The following KIAA0232 variants were observed in gnomAD, a reference collection of about 807,000 sequenced individuals.
KIAA0232 encodes uncharacterized protein KIAA0232.
In KIAA0232, 27 loss-of-function variants were observed where a neutral mutation model predicts 122.0. The ratio of observed to expected loss-of-function variants is 0.22; its 90% CI spans 0.16 to 0.31. The LOEUF (loss-of-function observed/expected upper bound fraction) is 0.31. KIAA0232 is among the 10% of genes least tolerant of loss of function. The pLI, the probability that KIAA0232 is intolerant of heterozygous loss-of-function variation, is 1.00. For missense variants in KIAA0232, 1,551 were observed against 1,634.2 expected, an observed-to-expected ratio of 0.95 and a Z score of 0.88; for synonymous variants, 613 against 587.6, an observed-to-expected ratio of 1.04 and a Z score of -0.63.
chr4:6,784,625 T>C (rs1716534467), intron 1 of KIAA0232, among the ~76,000 whole-genome samples: 1 of 152,248 alleles, frequency 6.6e-6, no homozygotes, highest in Admixed American at 6.5e-5. Context: ...ATATATCTTA[T>C]AACTCAGATT....
At chr4:6,786,121 A>G (rs1013335043) in intron 1 of KIAA0232, among the ~76,000 whole-genome samples, 3 of 152,198 alleles carry the variant, frequency 2.0e-5, no homozygotes, top group Admixed American at 1.3e-4. Context: ...TGTGGTGTCT[A>G]TCCTATCATT....
At chr4:6,835,625 G>A (rs547674713) in intron 3 of KIAA0232, among the ~76,000 whole-genome samples, 29 of 151,966 alleles carry the variant, frequency 1.9e-4, no homozygotes, top group South Asian at 4.2e-4. Flanking sequence ...CCAGCTCCCC[G>A]CCTCCCAACA....
At chr4:6,869,276 A>G (rs991754956) in intron 7 of KIAA0232, among the ~76,000 whole-genome samples, 14 of 152,368 alleles carry the variant, frequency 9.2e-5, no homozygotes, top group Middle Eastern at 6.8e-3. Context: ...TAAACTGATC[A>G]TTCCTGCAAA....
intron 7 of KIAA0232, among the ~76,000 whole-genome samples, chr4:6,870,653 A>G (rs1384570883): frequency 6.6e-6 from 1 of 152,142 alleles, no homozygotes; most frequent in Non-Finnish European, 1.5e-5. Context: ...AAATACAAAA[A>G]TTAGCCGGGG....
chr4:6,847,077 ATAT>A (rs1720004115), intron 4 of KIAA0232, among the ~76,000 whole-genome samples: 1 of 152,098 alleles, frequency 6.6e-6, no homozygotes. Context: ...AATATAGGTT[ATAT>A]TATTATATTA....
At chr4:6,836,949 C>G (rs1719324106) in intron 3 of KIAA0232, among the ~76,000 whole-genome samples, 1 of 152,214 alleles carries the variant, frequency 6.6e-6, no homozygotes, top group South Asian at 2.1e-4. Context: ...TATTTCTTTC[C>G]ACACAGACAC....
At chr4:6,799,614 A>G (rs1249497091) in intron 1 of KIAA0232, among the ~76,000 whole-genome samples, 1 of 152,184 alleles carries the variant, frequency 6.6e-6, no homozygotes, top group Non-Finnish European at 1.5e-5. Flanking sequence ...TAACTATTAG[A>G]AAGACTCTTA....
chr4:6,819,101 T>TG (rs1476943476), intron 2 of KIAA0232, among the ~76,000 whole-genome samples: 2 of 152,100 alleles, frequency 1.3e-5, no homozygotes, highest in African/African-American at 4.8e-5. Context: ...GATACTTAAA[T>TG]GTAAGACCTC....
At chr4:6,815,089 ACT>A (rs1429977881) in intron 2 of KIAA0232, among the ~76,000 whole-genome samples, 6 of 152,128 alleles carry the variant, frequency 3.9e-5, no homozygotes, top group Non-Finnish European at 7.4e-5. Context: ...TTTCTTTAAA[ACT>A]TTTTTATAGA....
intron 4 of KIAA0232, among the ~76,000 whole-genome samples, chr4:6,843,808 C>G (rs1282197101): frequency 6.6e-6 from 1 of 151,962 alleles, no homozygotes; most frequent in African/African-American, 2.4e-5. Flanking sequence ...AAGCCTGACT[C>G]CCCTGGCCAT....
intron 2 of KIAA0232, among the ~76,000 whole-genome samples, chr4:6,823,009 A>C (rs1282480310): frequency 6.8e-6 from 1 of 147,450 alleles, no homozygotes; most frequent in African/African-American, 2.5e-5. Flanking sequence ...ATTCCCACCT[A>C]TGAGTGAGAA....
chr4:6,860,859 A>G (rs1560199085), intron 6 of KIAA0232, 42 bp from the exon 7 acceptor site: 2 of 1,547,014 alleles, frequency 1.3e-6, no homozygotes, highest in South Asian at 1.2e-5. Flanking sequence ...TATCTAAAAA[A>G]TCTGCATACT....
intron 2 of KIAA0232, among the ~76,000 whole-genome samples, chr4:6,813,050 T>C (rs1268386651): frequency 6.6e-6 from 1 of 152,202 alleles, no homozygotes; most frequent in African/African-American, 2.4e-5. Context: ...GTATGTCTCT[T>C]ATAGCTTATA....
At position 6,801,012 on chromosome 4, in the gene KIAA0232, G is replaced by C. The variant is rs528997578; in HGVS notation, c.-353-3511G>C. On this transcript the variant is annotated intron_variant, in intron 1 of 9. Transcript: ENST00000307659. ...CAGAGTTCTTGATAATTTGGTCATA[G>C]GATAATTTGTAATTTTCTTAGTTTG... Among the ~76,000 whole-genome samples the C allele has an allele frequency of 2.6e-5, 4 of 152,288 alleles. No individual in the cohort carries two copies. In the South Asian group the frequency reaches 6.2e-4, roughly 24 times the overall value.
intron 2 of KIAA0232, among the ~76,000 whole-genome samples, chr4:6,808,491 A>ATCTT (rs1474899434): frequency 6.7e-6 from 1 of 148,594 alleles, no homozygotes; most frequent in Non-Finnish European, 1.5e-5. Flanking sequence ...ATCAAAGGGA[A>ATCTT]TGGTAGAGGG....
chr4:6,826,306 GGTCA>G (rs1718681462), intron 3 of KIAA0232, among the ~76,000 whole-genome samples: 1 of 152,048 alleles, frequency 6.6e-6, no homozygotes, highest in Admixed American at 6.6e-5. Context: ...TTATTTTGGT[GGTCA>G]GTATTTTGTA....
chr4:6,856,151 T>C (rs1222062174), intron 4 of KIAA0232, among the ~76,000 whole-genome samples: 1 of 152,218 alleles, frequency 6.6e-6, no homozygotes, highest in African/African-American at 2.4e-5. Context: ...GTAGGATATC[T>C]ATAATATTTG....
Position 6,861,482 on chromosome 4 carries a change from A to C in KIAA0232, c.1100A>C (p.Lys367Thr). The change falls in exon 7 of 10, where the codon AAG (lysine) becomes ACG (threonine). Residue 367 changes from lysine to threonine, a missense_variant. Lys to Thr is a moderately conservative substitution (Grantham distance 78, BLOSUM62 -1). Coordinates refer to ENST00000307659, the MANE Select transcript of KIAA0232 (RefSeq NM_014743.3). ...GTCAAACAGCTGTGCAAGCGGGGTA[A>C]GAGACCTTTAAAAGAAATAGGGAGA... ...GSVKQLCKRG[K>T]RPLKEIGRKD... The C allele has an allele frequency of 6.2e-7, 1 of 1,614,212 alleles. No homozygotes were observed. Among genetic ancestry groups the C allele is most frequent in the African/African-American group, 1.3e-5 (1 of 75,060 alleles).
At chr4:6,801,378 G>A (rs1423269267) in intron 1 of KIAA0232, among the ~76,000 whole-genome samples, 1 of 152,192 alleles carries the variant, frequency 6.6e-6, no homozygotes, top group African/African-American at 2.4e-5. Flanking sequence ...AGTGGATGGT[G>A]GTTATAGGAG....
Sources: gnomAD v4.1 joint callset for allele counts (sites outside exome capture counted in the v4.1 genomes callset) on GRCh38, gnomAD v4.1.1 for gene constraint, MANE v1.5 for transcripts, NCBI Gene and HGNC (gene_info 2026-07-23, HGNC 2026-07-21) for gene names.